The following OPCML variants were observed in gnomAD, a reference collection of about 807,000 sequenced individuals.
OPCML encodes opioid binding protein/cell adhesion molecule like, also known as opioid-binding protein/cell adhesion molecule.
OPCML carries 13 observed loss-of-function variants against 37.8 expected under a neutral mutation model. The ratio of observed to expected loss-of-function variants is 0.34; its 90% CI spans 0.22 to 0.55. The LOEUF is 0.55. Ranked by LOEUF, OPCML falls within the 20% of genes least tolerant of loss-of-function variation. OPCML has a pLI of 0.91. For synonymous variants in OPCML, 176 were observed against 168.8 expected, an observed-to-expected ratio of 1.04 and a Z score of -0.33; for missense variants, 341 against 435.6, an observed-to-expected ratio of 0.78 and a Z score of 1.93.
intron 4 of OPCML, among the ~76,000 whole-genome samples, chr11:132,460,940 G>T (rs2096099450): frequency 6.6e-6 from 1 of 152,124 alleles, no homozygotes. Context: ...TTCATATGAT[G>T]GATAAACAAA....
At chr11:132,725,956 A>G (rs1054068144) in intron 2 of OPCML, among the ~76,000 whole-genome samples, 1 of 152,114 alleles carries the variant, frequency 6.6e-6, no homozygotes, top group African/African-American at 2.4e-5. Context: ...TCCATCTGAG[A>G]CCACCTCAGC....
At chr11:132,464,267 C>CCA (rs145281494) in intron 4 of OPCML, among the ~76,000 whole-genome samples, 2,716 of 152,248 alleles carry the variant, frequency 0.018, 58 homozygotes, top group African/African-American at 0.059. Flanking sequence ...TCGCAGACTG[C>CCA]CACATGGAAT....
intron 2 of OPCML, among the ~76,000 whole-genome samples, chr11:132,737,659 TG>T (rs1201550551): frequency 1.3e-5 from 2 of 152,230 alleles, no homozygotes; most frequent in Non-Finnish European, 2.9e-5. Flanking sequence ...AAAATCATGC[TG>T]TGTAGAGAGC....
intron 4 of OPCML, among the ~76,000 whole-genome samples, chr11:132,502,896 C>T (rs2096248618): frequency 6.6e-6 from 1 of 152,134 alleles, no homozygotes; most frequent in Non-Finnish European, 1.5e-5. Flanking sequence ...TTTTAAGTGC[C>T]TCTAGTGGAT....
intron 1 of OPCML, among the ~76,000 whole-genome samples, chr11:133,185,587 A>G (rs1938034857): frequency 6.6e-6 from 1 of 152,218 alleles, no homozygotes; most frequent in Admixed American, 6.5e-5. Context: ...TAAATCTACT[A>G]AGAACATTCA....
intron 4 of OPCML, among the ~76,000 whole-genome samples, chr11:132,510,311 A>G (rs11223097): frequency 0.2 from 30,420 of 151,936 alleles, 3,128 homozygotes; most frequent in Non-Finnish European, 0.22. Flanking sequence ...GTCTCAGATG[A>G]GACTTTGGAC....
At chr11:132,945,701 C>A (rs760218954) in intron 1 of OPCML, among the ~76,000 whole-genome samples, 1 of 151,684 alleles carries the variant, frequency 6.6e-6, no homozygotes, top group East Asian at 1.9e-4. Flanking sequence ...TGCATGATAA[C>A]ATTAGCTTAA....
intron 1 of OPCML, among the ~76,000 whole-genome samples, chr11:133,256,550 G>A (rs955931255): frequency 1.3e-5 from 2 of 152,090 alleles, no homozygotes; most frequent in African/African-American, 2.4e-5. Flanking sequence ...CCTTTATTGT[G>A]TACTATACAC....
intron 1 of OPCML, among the ~76,000 whole-genome samples, chr11:133,106,711 C>T (rs1949164248): frequency 6.6e-6 from 1 of 152,188 alleles, no homozygotes; most frequent in South Asian, 2.1e-4. Context: ...GAGCACATGT[C>T]AAAGTCAGCT....
intron 1 of OPCML, among the ~76,000 whole-genome samples, chr11:132,986,645 T>C (rs961840043): frequency 1.3e-5 from 2 of 152,154 alleles, no homozygotes; most frequent in East Asian, 1.9e-4. Context: ...GGAAAAAATA[T>C]AGAAAGTTAA....
chr11:132,684,151 G>A (rs569930752), intron 2 of OPCML, among the ~76,000 whole-genome samples: 8 of 152,240 alleles, frequency 5.3e-5, no homozygotes, highest in East Asian at 3.9e-4. Context: ...TAAAGAACTT[G>A]ACATACCTCT....
At chr11:132,901,111 C>T (rs981386280) in intron 2 of OPCML, among the ~76,000 whole-genome samples, 4 of 151,942 alleles carry the variant, frequency 2.6e-5, no homozygotes, top group Non-Finnish European at 4.4e-5. Flanking sequence ...ACCCGGGAGG[C>T]GGAGGTTACA....
In OPCML at chr11:132,419,314, G is replaced by T. The variant is rs992662777; in HGVS notation, c.*879C>A. On this transcript the variant is annotated 3_prime_UTR_variant, in exon 8 of 8. Coordinates refer to ENST00000524381, the MANE Select transcript of OPCML (RefSeq NM_001012393.5). ...AAATAGATTGCTAGAGAGGAAGACA[G>T]GTGGGTAGATAATTGGATGGTGAGA... 6.6e-6 allele frequency: 1 copy of T among 152,202 alleles called. No homozygotes were observed. The highest frequency in any genetic ancestry group is 6.5e-5 in the Admixed American group (1 of 15,276). 9.4% of individuals were successfully genotyped at this position (152,202 alleles called of 1,614,324 possible). A position where few individuals can be genotyped will look rare whatever the true frequency, so the allele number is the denominator to read the frequency against.
intron 1 of OPCML, among the ~76,000 whole-genome samples, chr11:133,293,055 G>T (rs1207243427): frequency 6.6e-6 from 1 of 152,198 alleles, no homozygotes; most frequent in East Asian, 1.9e-4. Context: ...GAGATATGCA[G>T]AACTGAGTCA....
At chr11:132,852,312 A>T (rs1941846160) in intron 2 of OPCML, among the ~76,000 whole-genome samples, 1 of 152,126 alleles carries the variant, frequency 6.6e-6, no homozygotes, top group African/African-American at 2.4e-5. Flanking sequence ...GATCTCATTT[A>T]TGTCAGTACC....
At chr11:132,675,562 G>C (rs370159449) in intron 2 of OPCML, among the ~76,000 whole-genome samples, 11 of 152,000 alleles carry the variant, frequency 7.2e-5, no homozygotes, top group African/African-American at 2.2e-4. Flanking sequence ...ATAAAAAAAC[G>C]CAAGTAGAAT....
chr11:132,494,622 A>C (rs1213973883), intron 4 of OPCML, among the ~76,000 whole-genome samples: 1 of 152,242 alleles, frequency 6.6e-6, no homozygotes, highest in Non-Finnish European at 1.5e-5. Flanking sequence ...CAGAAGGAAA[A>C]AAAAGAACTC....
chr11:133,369,821 A>G (rs77553578), intron 1 of OPCML, among the ~76,000 whole-genome samples: 1,882 of 152,254 alleles, frequency 0.012, 44 homozygotes, highest in African/African-American at 0.042. Flanking sequence ...TCACACTGAC[A>G]TGGTTGTATG....
At chr11:133,087,621 G>A (rs909995608) in intron 1 of OPCML, among the ~76,000 whole-genome samples, 2 of 152,200 alleles carry the variant, frequency 1.3e-5, no homozygotes, top group African/African-American at 4.8e-5. Context: ...GTCGCAACCC[G>A]AGAGAGATAT....
Sources: gnomAD v4.1 joint callset for allele counts (sites outside exome capture counted in the v4.1 genomes callset) on GRCh38, gnomAD v4.1.1 for gene constraint, MANE v1.5 for transcripts, NCBI Gene and HGNC (gene_info 2026-07-23, HGNC 2026-07-21) for gene names.